PGM1: variants seen among roughly 807,000 people sequenced by gnomAD.
PGM1 encodes phosphoglucomutase 1, also known as phosphoglucomutase-1.
In PGM1, 52 loss-of-function variants were observed where a neutral mutation model predicts 55.6. The ratio of observed to expected loss-of-function variants is 0.94; its 90% CI spans 0.75 to 1.18. The LOEUF (loss-of-function observed/expected upper bound fraction) is 1.18. PGM1 is among the 50% of genes most tolerant of loss of function. The probability of loss-of-function intolerance (pLI) is 0.00; values close to 1 mark genes in which losing one functional copy is unlikely to be tolerated. For missense variants in PGM1, 724 were observed against 729.3 expected, an observed-to-expected ratio of 0.99 and a Z score of 0.08; for synonymous variants, 287 against 271.7, an observed-to-expected ratio of 1.06 and a Z score of -0.55.
chr1:63,654,652 A>G (rs988935190), intron 10 of PGM1, among the ~76,000 whole-genome samples, 186 bp downstream of exon 10: 34 of 152,106 alleles, frequency 2.2e-4, no homozygotes, highest in Non-Finnish European at 7.4e-5. Context: ...AAAAATAGGG[A>G]GGCTGAGGTG....
chr1:63,638,763 C>A lies in PGM1; in HGVS notation c.1107C>A (p.Ser369Arg), dbSNP rs200407907. ...TTTTTGGGAATTTGATGGACGCGAG[C>A]AAACTGTCCCTTTGTGGGGAGGAGA... ...WKFFGNLMDASKLSLCGEESF... is the reference protein window; with the variant it reads ...WKFFGNLMDARKLSLCGEESF... Residue 369 changes from serine to arginine, a missense_variant, in exon 7 of 11, where the codon AGC becomes AGA. Ser to Arg is a moderately radical substitution (Grantham distance 110, BLOSUM62 -1). Coordinates refer to ENST00000371084, the MANE Select transcript of PGM1 (RefSeq NM_002633.3). The A allele has an allele frequency of 1.6e-4, 253 of 1,614,030 alleles. No individual in the cohort carries two copies. In the East Asian group the frequency reaches 1.8e-3, roughly 12 times the overall value.
chr1:63,623,465 G>A (rs1314527117), intron 1 of PGM1: 1 of 1,611,646 alleles, frequency 6.2e-7, no homozygotes, highest in Non-Finnish European at 8.5e-7. Flanking sequence ...TGAAGGATGA[G>A]TGATTTTGAA....
intron 1 of PGM1, among the ~76,000 whole-genome samples, chr1:63,615,550 CT>C (rs1161161385): frequency 2.4e-3 from 152 of 62,970 alleles, no homozygotes; most frequent in East Asian, 5.6e-3. Flanking sequence ...TCTTCTTCTT[CT>C]TTTTTTTTTT....
At chr1:63,596,554 G>A (rs192813310) in intron 1 of PGM1, among the ~76,000 whole-genome samples, 157 of 152,158 alleles carry the variant, frequency 1.0e-3, no homozygotes, top group Non-Finnish European at 1.7e-3. Flanking sequence ...ACTGCGCCTG[G>A]CCTATTCCCT....
chr1:63,658,662 G>T (rs1650032217), intron 10 of PGM1, among the ~76,000 whole-genome samples: 1 of 151,202 alleles, frequency 6.6e-6, no homozygotes, highest in South Asian at 2.1e-4. Context: ...TGAGGCAGGA[G>T]AATTGCTTGA....
intron 3 of PGM1, 41 bp from the exon 4 acceptor site, chr1:63,631,616 T>C: frequency 6.3e-7 from 1 of 1,594,392 alleles, no homozygotes; most frequent in Non-Finnish European, 8.6e-7. Flanking sequence ...TTTCTAAATG[T>C]GTTTAATCCT....
intron 1 of PGM1, among the ~76,000 whole-genome samples, chr1:63,606,986 A>G (rs1381739586): frequency 1.3e-5 from 2 of 152,238 alleles, no homozygotes; most frequent in Non-Finnish European, 2.9e-5. Flanking sequence ...TTCACATACT[A>G]TATAATTTAC....
At position 63,631,682 on chromosome 1, in the gene PGM1, T is replaced by G. The variant is rs1649198820; in HGVS notation, c.582T>G (p.Ala194=). 1 of 1,613,302 alleles carries G rather than the reference T, an allele frequency of 6.2e-7. No individual in the cohort carries two copies. ...TGGAAATTGTGGATTCGGTAGAAGCTTATGCTACAATGCTGAGAAGCATCT... is the reference window on the plus strand; with the variant it reads ...TGGAAATTGTGGATTCGGTAGAAGCGTATGCTACAATGCTGAGAAGCATCT... ...FTVEIVDSVE[A]YATMLRSIFD... Residue 194 remains alanine (A), a synonymous_variant, in exon 4 of 11, where the codon GCT becomes GCG. Coordinates refer to ENST00000371084, the MANE Select transcript of PGM1 (RefSeq NM_002633.3).
Position 63,660,098 on chromosome 1 carries a change from A to C in PGM1, c.*423A>C. 1 of 242,040 alleles carries C rather than the reference A, an allele frequency of 4.1e-6. No individual in the cohort carries two copies. Among genetic ancestry groups the C allele is most frequent in the Non-Finnish European group, 8.4e-6 (1 of 119,512 alleles). The allele number at this position is 242,040 out of a possible 1,614,324, so 15.0% of individuals were successfully genotyped here. A position where few individuals can be genotyped will look rare whatever the true frequency, so the allele number is the denominator to read the frequency against. The stretch of plus-strand genomic sequence containing the variant: ...TCCCCCCATTTCCTGTTTACATGTA[A>C]CCCAACAAAATGCAATTTCTAGTGC... On this transcript the variant is annotated 3_prime_UTR_variant, in exon 11 of 11. Transcript: ENST00000371084.
chr1:63,629,827 G>A (rs1649145077), intron 2 of PGM1, 115 bp from the exon 3 acceptor site: 1 of 1,275,944 alleles, frequency 7.8e-7, no homozygotes. Flanking sequence ...CTACTTTGCT[G>A]ACTGAATGAT....
intron 1 of PGM1, among the ~76,000 whole-genome samples, chr1:63,616,871 A>G (rs1003743054): frequency 4.6e-5 from 7 of 152,118 alleles, no homozygotes; most frequent in African/African-American, 1.7e-4. Flanking sequence ...TCCTAACTCT[A>G]CTAAAATGCA....
chr1:63,641,203 G>T (rs1265137671), intron 7 of PGM1, among the ~76,000 whole-genome samples: 1 of 152,098 alleles, frequency 6.6e-6, no homozygotes, highest in African/African-American at 2.4e-5. Flanking sequence ...TACCAATCAT[G>T]GTTTTAGCTT....
intron 7 of PGM1, among the ~76,000 whole-genome samples, chr1:63,643,090 C>T (rs1447942429): frequency 6.6e-6 from 1 of 152,138 alleles, no homozygotes; most frequent in African/African-American, 2.4e-5. Context: ...TGGCTTTCTG[C>T]CCATTCTAAT....
chr1:63,600,604 C>T (rs1236536415), intron 1 of PGM1, among the ~76,000 whole-genome samples: 1 of 152,102 alleles, frequency 6.6e-6, no homozygotes, highest in Non-Finnish European at 1.5e-5. Flanking sequence ...GTAAAGGGGA[C>T]AGCATTAGAG....
At chr1:63,619,177 T>C (rs1174871597) in intron 1 of PGM1, among the ~76,000 whole-genome samples, 1 of 152,192 alleles carries the variant, frequency 6.6e-6, no homozygotes, top group Non-Finnish European at 1.5e-5. Flanking sequence ...CCAGCTTTAG[T>C]CAGGGGTCTA....
chr1:63,595,405 A>G (rs1648032627), intron 1 of PGM1, among the ~76,000 whole-genome samples: 1 of 152,230 alleles, frequency 6.6e-6, no homozygotes. Flanking sequence ...TGAAGAATGA[A>G]CAGCCCTTGA....
chr1:63,654,434 A>ACT lies in PGM1; in HGVS notation c.1567_1568insCT (p.Lys523ThrfsTer23). The ACT allele has an allele frequency of 6.2e-7, 1 of 1,614,100 alleles. No homozygotes were observed. Among genetic ancestry groups the ACT allele is most frequent in the African/African-American group, 1.3e-5 (1 of 75,056 alleles). On this transcript the variant is annotated frameshift_variant, in exon 10 of 11. Transcript: ENST00000371084. LOFTEE classifies it high-confidence loss of function. ...TCGGCTGTACATCGATAGCTATGAG[A>ACT]AGGACGTTGCCAAGATTAACCAGGA...
At chr1:63,637,741 A>G (rs1339189773) in intron 6 of PGM1, among the ~76,000 whole-genome samples, 22 of 152,220 alleles carry the variant, frequency 1.4e-4, no homozygotes, top group Admixed American at 1.3e-3. Context: ...AATACCTTCT[A>G]TGTCATCCAA....
intron 7 of PGM1, among the ~76,000 whole-genome samples, chr1:63,640,490 C>T (rs1471439218): frequency 6.6e-6 from 1 of 152,110 alleles, no homozygotes; most frequent in Non-Finnish European, 1.5e-5. Context: ...ATATAGTTTA[C>T]CACTATATAT....
Sources: allele counts gnomAD v4.1 joint callset (sites outside exome capture counted in the v4.1 genomes callset), GRCh38; gene constraint gnomAD v4.1.1; transcripts MANE v1.5; gene names NCBI Gene and HGNC (gene_info 2026-07-23, HGNC 2026-07-21).